The following PIK3C2A variants were observed in gnomAD, a reference collection of about 807,000 sequenced individuals.
PIK3C2A encodes the protein phosphatidylinositol 4-phosphate 3-kinase C2 domain-containing subunit alpha.
In PIK3C2A, 97 loss-of-function variants were observed where a neutral mutation model predicts 204.5. The observed-to-expected ratio is 0.47, with a 90% CI of 0.40 to 0.56. PIK3C2A has a LOEUF of 0.56. PIK3C2A is among the 20% of genes least tolerant of loss of function. The probability of loss-of-function intolerance (pLI) is 0.00; values close to 1 mark genes in which losing one functional copy is unlikely to be tolerated. For missense variants in PIK3C2A, 1,735 were observed against 1,969.2 expected (o/e 0.88, Z 2.25); for synonymous variants, 653 against 664.4 (o/e 0.98, Z 0.26).
chr11:17,104,521 C>T (rs1489229270), intron 23 of PIK3C2A, among the ~76,000 whole-genome samples: 3 of 151,954 alleles, frequency 2.0e-5, no homozygotes, highest in East Asian at 1.9e-4. Flanking sequence ...GTCAGGAGAT[C>T]GAGACCATCC....
At chr11:17,177,130 T>C (rs7925960) in intron 1 of PIK3C2A, among the ~76,000 whole-genome samples, 22,697 of 152,194 alleles carry the variant, frequency 0.15, 2,745 homozygotes, top group African/African-American at 0.33. Context: ...TCTGGGTAAG[T>C]GTCTAAATTA....
intron 1 of PIK3C2A, among the ~76,000 whole-genome samples, chr11:17,194,630 C>A (rs1852076436): frequency 6.6e-6 from 1 of 152,208 alleles, no homozygotes; most frequent in South Asian, 2.1e-4. Context: ...TTCATTCTAG[C>A]CTGGCGCAGT....
In PIK3C2A at chr11:17,168,657, T is replaced by C; in HGVS notation, c.1065+20A>G. ...TCTGTGTTATACTAAGTTTGAGAAG[T>C]TAGTAAGAAAAGACTATACCTGAGA... On this transcript the variant is annotated intron_variant, in intron 2 of 32. Coordinates refer to ENST00000691414, the MANE Select transcript of PIK3C2A (RefSeq NM_002645.4). 7.1e-7 allele frequency: 1 copy of C among 1,404,224 alleles called. No individual in the cohort carries two copies. The highest frequency in any genetic ancestry group is 9.7e-7 in the Non-Finnish European group (1 of 1,027,328). 87.0% of individuals were successfully genotyped at this position (1,404,224 alleles called of 1,614,324 possible).
chr11:17,158,454 T>G (rs1310151802), intron 2 of PIK3C2A, among the ~76,000 whole-genome samples: 1 of 151,562 alleles, frequency 6.6e-6, no homozygotes, highest in East Asian at 1.9e-4. Context: ...GTGGGAACTA[T>G]TATTACTCCC....
chr11:17,193,108 C>T (rs1253611350), intron 1 of PIK3C2A, among the ~76,000 whole-genome samples: 1 of 152,222 alleles, frequency 6.6e-6, no homozygotes, highest in African/African-American at 2.4e-5. Context: ...TCTGTTAGGA[C>T]ACAGCAAGAA....
intron 28 of PIK3C2A, 125 bp from the exon 29 acceptor site, chr11:17,092,401 C>T (rs1045475349): frequency 2.2e-5 from 14 of 628,892 alleles, no homozygotes; most frequent in Non-Finnish European, 3.1e-5. Flanking sequence ...ATTTTGTGGC[C>T]GGGCACGGTG....
At chr11:17,103,627 G>A (rs1439051291) in intron 23 of PIK3C2A, among the ~76,000 whole-genome samples, 1 of 152,160 alleles carries the variant, frequency 6.6e-6, no homozygotes, top group Non-Finnish European at 1.5e-5. Context: ...ATGTGTGTGT[G>A]TGTGTATACA....
intron 1 of PIK3C2A, among the ~76,000 whole-genome samples, chr11:17,178,304 G>C (rs890525040): frequency 6.6e-6 from 1 of 151,952 alleles, no homozygotes; most frequent in Non-Finnish European, 1.5e-5. Context: ...TCTCAATTTG[G>C]ACTAGTTACA....
chr11:17,203,392 T>C (rs1345663525), intron 1 of PIK3C2A, among the ~76,000 whole-genome samples: 9 of 151,442 alleles, frequency 5.9e-5, no homozygotes, highest in Non-Finnish European at 1.0e-4. Context: ...GGATACAAAG[T>C]ATACATAAAT....
At chr11:17,102,103 C>T (rs1011875445) in intron 24 of PIK3C2A, among the ~76,000 whole-genome samples, 3 of 152,060 alleles carry the variant, frequency 2.0e-5, no homozygotes, top group Non-Finnish European at 4.4e-5. Context: ...TAAGAGTTAT[C>T]GCTAAGTAGA....
chr11:17,156,056 TG>T (rs1301251203), intron 2 of PIK3C2A, among the ~76,000 whole-genome samples: 29 of 152,192 alleles, frequency 1.9e-4, no homozygotes, highest in Admixed American at 1.9e-3. Context: ...CCAAGAAAGA[TG>T]GTTTTTTATG....
At chr11:17,196,630 C>T (rs1852168318) in intron 1 of PIK3C2A, among the ~76,000 whole-genome samples, 1 of 152,056 alleles carries the variant, frequency 6.6e-6, no homozygotes, top group Non-Finnish European at 1.5e-5. Flanking sequence ...AGTGCAGTGG[C>T]TCGATCTCCG....
In PIK3C2A at chr11:17,135,168, G is replaced by A. The variant is rs2137391223; in HGVS notation, c.1849-9C>T. On this transcript the variant is annotated splice_polypyrimidine_tract_variant and intron_variant, in intron 9 of 32. Coordinates refer to ENST00000691414, the MANE Select transcript of PIK3C2A (RefSeq NM_002645.4). ...CCAAACAAAGAAGTCACCTACACAT[G>A]CACACACACACACAATAGTCAGAAA... is the stretch of plus-strand genomic sequence containing the variant. The A allele has an allele frequency of 2.5e-6, 4 of 1,587,492 alleles. No individual in the cohort carries two copies. The highest frequency in any genetic ancestry group is 2.6e-6 in the Non-Finnish European group (3 of 1,159,010).
chr11:17,149,563 C>T (rs1850361804), intron 4 of PIK3C2A, among the ~76,000 whole-genome samples: 1 of 152,008 alleles, frequency 6.6e-6, no homozygotes, highest in Non-Finnish European at 1.5e-5. Context: ...AAATGTTTGA[C>T]ATTTGCCTGG....
chr11:17,089,532 C>T lies in PIK3C2A; in HGVS notation c.*206G>A. Reference sequence around the variant, plus strand: ...ATGACTTTAAAACAGCAATGGCTTCCAAAAATTCAAAAAGGTTAGTTATGT... The same window carrying T: ...ATGACTTTAAAACAGCAATGGCTTCTAAAAATTCAAAAAGGTTAGTTATGT... On this transcript the variant is annotated 3_prime_UTR_variant, in exon 33 of 33. Coordinates refer to ENST00000691414, the MANE Select transcript of PIK3C2A (RefSeq NM_002645.4). The T allele has an allele frequency of 2.1e-6, 1 of 465,422 alleles. No homozygotes were observed. Among genetic ancestry groups the T allele is most frequent in the Non-Finnish European group, 3.8e-6 (1 of 262,178 alleles). The allele number at this position is 465,422 out of a possible 1,614,324, so 28.8% of individuals were successfully genotyped here. A position where few individuals can be genotyped will look rare whatever the true frequency, so the allele number is the denominator to read the frequency against.
intron 24 of PIK3C2A, 100 bp from the exon 25 acceptor site, chr11:17,101,534 T>G: frequency 3.9e-6 from 2 of 508,962 alleles, no homozygotes; most frequent in Non-Finnish European, 6.6e-6. Context: ...GTACAGCCAT[T>G]TCCAACTAGG....
chr11:17,109,972 A>T (rs1273065205), intron 22 of PIK3C2A, among the ~76,000 whole-genome samples: 5 of 152,042 alleles, frequency 3.3e-5, no homozygotes, highest in Non-Finnish European at 7.4e-5. Flanking sequence ...ATTTATTTTG[A>T]GATAGAGTCT....
chr11:17,124,833 C>G (rs1431953052), intron 13 of PIK3C2A, among the ~76,000 whole-genome samples: 1 of 152,060 alleles, frequency 6.6e-6, no homozygotes, highest in African/African-American at 2.4e-5. Flanking sequence ...GATACCAGGC[C>G]TTTTGTTCTG....
At chr11:17,196,110 A>C (rs1852145607) in intron 1 of PIK3C2A, among the ~76,000 whole-genome samples, 1 of 151,700 alleles carries the variant, frequency 6.6e-6, no homozygotes, top group African/African-American at 2.4e-5. Context: ...GAAAAGAAAC[A>C]AAAAAAAATC....
Sources: gnomAD v4.1 joint callset for allele counts (sites outside exome capture counted in the v4.1 genomes callset) on GRCh38, gnomAD v4.1.1 for gene constraint, MANE v1.5 for transcripts, NCBI Gene and HGNC (gene_info 2026-07-23, HGNC 2026-07-21) for gene names.